Variants in PCDH9 observed in about 807,000 individuals in gnomAD.
The protein encoded by PCDH9 is protocadherin-9.
A neutral mutation model predicts 70.6 loss-of-function variants in PCDH9; 24 were observed. The ratio of observed to expected loss-of-function variants is 0.34; its 90% CI spans 0.25 to 0.48. The LOEUF (loss-of-function observed/expected upper bound fraction) is 0.48. PCDH9 is among the 20% of genes least tolerant of loss of function. The pLI is 0.99. For missense variants in PCDH9, 1,281 were observed against 1,503.6 expected (o/e 0.85, Z 2.45); for synonymous variants, 562 against 558.5 (o/e 1.01, Z -0.09).
At chr13:66,532,303 T>C (rs893086024) in intron 4 of PCDH9, among the ~76,000 whole-genome samples, 6 of 152,078 alleles carry the variant, frequency 3.9e-5, no homozygotes, top group Non-Finnish European at 8.8e-5. Flanking sequence ...GTATTTACTT[T>C]GTAAGGTGGA....
chr13:66,362,179 G>T (rs1465031016), intron 4 of PCDH9, among the ~76,000 whole-genome samples: 1 of 152,026 alleles, frequency 6.6e-6, no homozygotes, highest in East Asian at 1.9e-4. Flanking sequence ...TAATAAAATT[G>T]TCAAATAGAT....
chr13:67,008,063 T>C (rs915188078), intron 2 of PCDH9, among the ~76,000 whole-genome samples: 1 of 152,148 alleles, frequency 6.6e-6, no homozygotes, highest in Non-Finnish European at 1.5e-5. Context: ...ATACATTTTA[T>C]TAAACTTAGA....
intron 4 of PCDH9, among the ~76,000 whole-genome samples, chr13:66,428,548 A>C (rs1957713445): frequency 6.6e-6 from 1 of 151,760 alleles, no homozygotes; most frequent in Non-Finnish European, 1.5e-5. Context: ...AAAGACAGTC[A>C]AGGGCTACCA....
intron 2 of PCDH9, among the ~76,000 whole-genome samples, chr13:67,194,548 T>C (rs2089007776): frequency 6.6e-6 from 1 of 152,120 alleles, no homozygotes; most frequent in Admixed American, 6.5e-5. Flanking sequence ...TACTAAAAAC[T>C]GAGGAATGGC....
intron 2 of PCDH9, among the ~76,000 whole-genome samples, chr13:67,005,356 T>C (rs905791942): frequency 1.3e-5 from 2 of 152,204 alleles, no homozygotes; most frequent in Non-Finnish European, 1.5e-5. Context: ...ATTTTGAAGA[T>C]TTAGGTAAGT....
chr13:67,037,422 CA>C (rs1212772373), intron 2 of PCDH9, among the ~76,000 whole-genome samples: 8 of 152,182 alleles, frequency 5.3e-5, no homozygotes, highest in Non-Finnish European at 1.2e-4. Context: ...AAAAATCCAA[CA>C]TAACTTTTCT....
At chr13:66,948,654 T>C (rs2083129234) in intron 2 of PCDH9, among the ~76,000 whole-genome samples, 1 of 152,004 alleles carries the variant, frequency 6.6e-6, no homozygotes, top group Non-Finnish European at 1.5e-5. Context: ...GGTAAATGCC[T>C]AGAGAATTTC....
At chr13:66,921,086 C>T (rs943412551) in intron 2 of PCDH9, among the ~76,000 whole-genome samples, 2 of 151,062 alleles carry the variant, frequency 1.3e-5, no homozygotes, top group Non-Finnish European at 3.0e-5. Context: ...AAAATATATA[C>T]TTAACCTCAT....
At chr13:66,396,048 T>G (rs1957096369) in intron 4 of PCDH9, among the ~76,000 whole-genome samples, 1 of 152,104 alleles carries the variant, frequency 6.6e-6, no homozygotes, top group Admixed American at 6.6e-5. Context: ...TTAGAGAAAG[T>G]AAGAGTAGGA....
intron 2 of PCDH9, among the ~76,000 whole-genome samples, chr13:66,910,427 A>G (rs2082441320): frequency 1.3e-5 from 2 of 152,322 alleles, no homozygotes; most frequent in Admixed American, 6.5e-5. Context: ...TCACTTGTAA[A>G]GTGTTTGTAT....
chr13:66,573,318 G>A (rs575811504), intron 4 of PCDH9, among the ~76,000 whole-genome samples: 15 of 144,372 alleles, frequency 1.0e-4, no homozygotes, highest in Non-Finnish European at 2.0e-4. Context: ...ACATATTCTG[G>A]TTACTAATCC....
chr13:67,216,703 T>TATATATATATATATATATAC (rs1566502182), intron 2 of PCDH9: 1 of 143,746 alleles, frequency 7.0e-6, no homozygotes, highest in African/African-American at 2.5e-5. Flanking sequence ...TATATATATA[T>TATATATATATATATATATAC]ATATGGATAT....
At chr13:66,420,470 A>T (rs530912282) in intron 4 of PCDH9, among the ~76,000 whole-genome samples, 5 of 152,110 alleles carry the variant, frequency 3.3e-5, no homozygotes. Flanking sequence ...AGCTTGATGA[A>T]GCTTCCAGAG....
chr13:66,443,739 G>A (rs1016031318), intron 4 of PCDH9, among the ~76,000 whole-genome samples: 3 of 152,036 alleles, frequency 2.0e-5, no homozygotes, highest in South Asian at 4.1e-4. Context: ...AACAGCTTGA[G>A]TAAATATATA....
intron 3 of PCDH9, among the ~76,000 whole-genome samples, chr13:66,896,175 C>T (rs1221885464): frequency 6.6e-6 from 1 of 152,088 alleles, no homozygotes; most frequent in Non-Finnish European, 1.5e-5. Context: ...AGGTGATGAT[C>T]AATCTTTATA....
intron 2 of PCDH9, chr13:67,210,673 T>A (rs917868893): frequency 2.0e-5 from 3 of 152,012 alleles, no homozygotes; most frequent in Non-Finnish European, 2.9e-5. Flanking sequence ...AGGAGAAAAC[T>A]GAATTCTCAA....
chr13:66,666,226 T>C (rs888379793), intron 3 of PCDH9, among the ~76,000 whole-genome samples: 1 of 152,142 alleles, frequency 6.6e-6, no homozygotes, highest in Admixed American at 6.5e-5. Flanking sequence ...AGCAGGCTTT[T>C]CGCTGGAGTA....
intron 2 of PCDH9, among the ~76,000 whole-genome samples, chr13:67,087,856 C>G (rs2086139656): frequency 6.6e-6 from 1 of 152,084 alleles, no homozygotes; most frequent in Non-Finnish European, 1.5e-5. Flanking sequence ...GCATGAAATA[C>G]AGCTATTATT....
At chr13:66,411,011 A>T (rs1251062712) in intron 4 of PCDH9, among the ~76,000 whole-genome samples, 2 of 152,224 alleles carry the variant, frequency 1.3e-5, no homozygotes, top group Non-Finnish European at 2.9e-5. Flanking sequence ...TCATAATGGT[A>T]ACAGGTGAAT....
Sources: gnomAD v4.1 joint callset for allele counts (sites outside exome capture counted in the v4.1 genomes callset) on GRCh38, gnomAD v4.1.1 for gene constraint, MANE v1.5 for transcripts, NCBI Gene and HGNC (gene_info 2026-07-23, HGNC 2026-07-21) for gene names.